The following ITPK1 variants were observed in gnomAD, a reference collection of about 807,000 sequenced individuals.
The protein encoded by ITPK1 is inositol 1,3,4-trisphosphate 5/6-kinase.
A neutral mutation model predicts 45.3 loss-of-function variants in ITPK1; 21 were observed. That is an observed-to-expected ratio of 0.46 (90% CI 0.33 to 0.67). The LOEUF (loss-of-function observed/expected upper bound fraction) is 0.67, where lower values mean the gene tolerates loss of function less well. ITPK1 is among the 30% of genes least tolerant of loss of function. ITPK1 has a pLI of 0.02. For missense variants in ITPK1, 474 were observed against 573.5 expected, an observed-to-expected ratio of 0.83 and a Z score of 1.77; for synonymous variants, 258 against 253.6, an observed-to-expected ratio of 1.02 and a Z score of -0.16.
chr14:93,050,808 G>A (rs1889972388), intron 3 of ITPK1, among the ~76,000 whole-genome samples: 1 of 151,842 alleles, frequency 6.6e-6, no homozygotes, highest in African/African-American at 2.4e-5. Context: ...CATCGGGTAG[G>A]CCCACACGTG....
chr14:93,066,994 G>A (rs761614168), intron 3 of ITPK1, among the ~76,000 whole-genome samples: 1 of 152,144 alleles, frequency 6.6e-6, no homozygotes, highest in Non-Finnish European at 1.5e-5. Flanking sequence ...GTTTGCATCC[G>A]AGTTTCTCCA....
In ITPK1 at chr14:92,972,428, C is replaced by T. The variant is rs184555962; in HGVS notation, c.365-9579G>A. Among the ~76,000 whole-genome samples the T allele has an allele frequency of 3.9e-3, 597 of 152,250 alleles. 2 individuals are homozygous for T. Among genetic ancestry groups the T allele is most frequent in the Non-Finnish European group, 4.3e-3 (293 of 68,012 alleles). On this transcript the variant is annotated intron_variant, in intron 5 of 10. Transcript: ENST00000267615. The stretch of plus-strand genomic sequence containing the variant: ...CAGACGTGGGGAGATGAGGGCCATC[C>T]GCAGGCCAAGGAGGGAGGCCTCAGA...
intron 4 of ITPK1, among the ~76,000 whole-genome samples, chr14:93,008,506 A>C (rs1184688902): frequency 6.6e-6 from 1 of 152,244 alleles, no homozygotes; most frequent in Non-Finnish European, 1.5e-5. Flanking sequence ...CCAGGGCCAG[A>C]TCCAGGGCTG....
intron 3 of ITPK1, chr14:93,071,279 G>C (rs755295864): frequency 2.0e-5 from 3 of 152,576 alleles, no homozygotes; most frequent in Admixed American, 6.5e-5. Flanking sequence ...TCGGAGCACA[G>C]TTCTGGGCCC....
chr14:93,006,412 G>A (rs1887616778), intron 4 of ITPK1, among the ~76,000 whole-genome samples: 1 of 152,248 alleles, frequency 6.6e-6, no homozygotes, highest in Non-Finnish European at 1.5e-5. Flanking sequence ...TTCAGATTGG[G>A]GGAAGGCATT....
intron 4 of ITPK1, among the ~76,000 whole-genome samples, chr14:93,010,728 T>C (rs536283980): frequency 6.6e-6 from 1 of 152,326 alleles, no homozygotes; most frequent in South Asian, 2.1e-4. Flanking sequence ...ACTGTAATAA[T>C]AATATTGACA....
chr14:93,026,200 C>G (rs1888721482), intron 3 of ITPK1, among the ~76,000 whole-genome samples: 1 of 152,162 alleles, frequency 6.6e-6, no homozygotes, highest in East Asian at 1.9e-4. Flanking sequence ...GATCATGAAT[C>G]CTCTTAGCCA....
intron 3 of ITPK1, among the ~76,000 whole-genome samples, chr14:93,018,529 T>C (rs907841690): frequency 1.3e-5 from 2 of 151,916 alleles, no homozygotes; most frequent in African/African-American, 4.8e-5. Flanking sequence ...ATTTCCCCTA[T>C]ATAGAAAAAA....
chr14:93,113,804 C>T (rs1193221793), intron 2 of ITPK1, among the ~76,000 whole-genome samples: 1 of 152,238 alleles, frequency 6.6e-6, no homozygotes, highest in Non-Finnish European at 1.5e-5. Context: ...CCAACCCCAT[C>T]CCCAGACCAA....
At position 93,039,024 on chromosome 14, in the gene ITPK1, C is replaced by T. The variant is rs570924512; in HGVS notation, c.121-22223G>A. On this transcript the variant is annotated intron_variant, in intron 3 of 10. Transcript: ENST00000267615. ...CTGAACTGAGCCCCAAAAGATGTCC[C>T]AAGTTGGGAGTTAAGTTCCCTTTGC... Among the ~76,000 whole-genome samples the T allele has an allele frequency of 2.6e-5, 4 of 152,332 alleles. No homozygotes were observed. In the South Asian group the frequency reaches 8.3e-4, roughly 32 times the overall value.
At chr14:93,077,411 G>A (rs1293170138) in intron 2 of ITPK1, among the ~76,000 whole-genome samples, 4 of 152,056 alleles carry the variant, frequency 2.6e-5, no homozygotes, top group South Asian at 2.1e-4. Context: ...TCCGCCTCCC[G>A]GGTTCAAGCG....
intron 3 of ITPK1, among the ~76,000 whole-genome samples, chr14:93,061,932 T>C (rs571505822): frequency 6.6e-6 from 1 of 152,320 alleles, no homozygotes; most frequent in East Asian, 1.9e-4. Context: ...TCTAAGAGAA[T>C]GCTAAGTGTG....
chr14:92,962,998 G>A (rs1395740812), intron 5 of ITPK1, 149 bp from the exon 6 acceptor site: 37 of 570,040 alleles, frequency 6.5e-5, no homozygotes, highest in Middle Eastern at 8.8e-4. Context: ...CCATGTGCTC[G>A]TGTGTGTGAA....
chr14:92,994,455 A>G (rs1248756064), intron 4 of ITPK1, among the ~76,000 whole-genome samples: 2 of 152,202 alleles, frequency 1.3e-5, no homozygotes, highest in Admixed American at 1.3e-4. Context: ...CAGCCACCCA[A>G]CACTCCTCAA....
At chr14:93,092,731 G>T (rs144461865) in intron 2 of ITPK1, among the ~76,000 whole-genome samples, 220 of 152,294 alleles carry the variant, frequency 1.4e-3, no homozygotes, top group African/African-American at 5.0e-3. Context: ...GCCTAATGTG[G>T]TCCTGGCTGA....
At chr14:93,042,772 C>T (rs1889611452) in intron 3 of ITPK1, among the ~76,000 whole-genome samples, 1 of 152,192 alleles carries the variant, frequency 6.6e-6, no homozygotes, top group Non-Finnish European at 1.5e-5. Context: ...AATCCCAGCA[C>T]TTTGGGAGGC....
chr14:93,038,207 G>C (rs1235635550), intron 3 of ITPK1, among the ~76,000 whole-genome samples: 2 of 152,064 alleles, frequency 1.3e-5, no homozygotes, highest in Admixed American at 6.6e-5. Context: ...GCTAACTTTT[G>C]TATTTTTTGT....
At position 93,063,668 on chromosome 14, in the gene ITPK1, G is replaced by A. The variant is rs1279034018; in HGVS notation, c.120+12927C>T. On this transcript the variant is annotated intron_variant, in intron 3 of 10. Coordinates refer to ENST00000267615, the MANE Select transcript of ITPK1 (RefSeq NM_014216.6). This position sits in a 1 kb window ranked among gnomAD's most constrained non-coding sequence, Gnocchi z 4.3. ...GGAGGAGTCACTGGACTCTCACCAG[G>A]CAGGCAGTCTTCGGAGCAGAAGAGG... Among the ~76,000 whole-genome samples, 2 of 152,216 alleles carry A rather than the reference G, an allele frequency of 1.3e-5. No individual in the cohort carries two copies. The highest frequency in any genetic ancestry group is 6.5e-5 in the Admixed American group (1 of 15,292).
intron 4 of ITPK1, among the ~76,000 whole-genome samples, chr14:92,996,801 G>A (rs947935678): frequency 6.6e-6 from 1 of 152,146 alleles, no homozygotes; most frequent in Non-Finnish European, 1.5e-5. Flanking sequence ...GCCTGGTGTA[G>A]TGGGAAGGCT....
Sources: allele counts gnomAD v4.1 joint callset (sites outside exome capture counted in the v4.1 genomes callset), GRCh38; gene constraint gnomAD v4.1.1; non-coding constraint Gnocchi (gnomAD v3.1); transcripts MANE v1.5; gene names NCBI Gene and HGNC (gene_info 2026-07-23, HGNC 2026-07-21).